Variants in MCPH1 observed in about 807,000 individuals in gnomAD.
MCPH1 encodes the protein microcephalin.
MCPH1 carries 104 observed loss-of-function variants against 84.5 expected under a neutral mutation model. The ratio of observed to expected loss-of-function variants is 1.23; its 90% confidence interval spans 1.05 to 1.45. The LOEUF (loss-of-function observed/expected upper bound fraction) is 1.45, where lower values mean the gene tolerates loss of function less well. MCPH1 is among the 40% of genes most tolerant of loss of function. MCPH1 has a pLI of 0.00. For missense variants in MCPH1, 1,498 were observed against 1,005.7 expected, an observed-to-expected ratio of 1.49 and a Z score of -6.62; for synonymous variants, 514 against 366.8, an observed-to-expected ratio of 1.40 and a Z score of -4.58.
At chr8:6,617,989 C>G (rs1277375607) in intron 12 of MCPH1, among the ~76,000 whole-genome samples, 2 of 151,138 alleles carry the variant, frequency 1.3e-5, no homozygotes, top group East Asian at 3.9e-4. Flanking sequence ...CCAGGCTGGT[C>G]TCAAACTCCT....
At chr8:6,409,121 G>C (rs532844131) in intron 1 of MCPH1, among the ~76,000 whole-genome samples, 158 bp from the exon 2 acceptor site, 101 of 152,218 alleles carry the variant, frequency 6.6e-4, no homozygotes, top group African/African-American at 2.4e-3. Context: ...CCCTGACTTC[G>C]TGGATCCACC....
chr8:6,447,315 A>G (rs1804548499), intron 8 of MCPH1: 2 of 985,296 alleles, frequency 2.0e-6, no homozygotes, highest in Non-Finnish European at 2.4e-6. Flanking sequence ...CACACTCTAT[A>G]TCTGGTGAAA....
intron 9 of MCPH1, among the ~76,000 whole-genome samples, chr8:6,459,385 G>C (rs2920664): frequency 0.17 from 25,228 of 152,070 alleles, 5,217 homozygotes; most frequent in African/African-American, 0.48. Flanking sequence ...AAGCGATTCT[G>C]CTGCCTCAGC....
chr8:6,423,931 C>T (rs187609190), intron 3 of MCPH1, among the ~76,000 whole-genome samples: 8 of 152,088 alleles, frequency 5.3e-5, no homozygotes, highest in Non-Finnish European at 2.9e-5. Context: ...TTTTAGTGAG[C>T]TTGAATTTTC....
intron 6 of MCPH1, among the ~76,000 whole-genome samples, chr8:6,440,464 G>C (rs1007015499): frequency 6.6e-6 from 1 of 152,194 alleles, no homozygotes; most frequent in African/African-American, 2.4e-5. Flanking sequence ...CTGGGCTCAA[G>C]TACTTCTGCC....
chr8:6,541,150 G>A (rs1217831682), intron 12 of MCPH1, among the ~76,000 whole-genome samples: 2 of 152,240 alleles, frequency 1.3e-5, no homozygotes, highest in Non-Finnish European at 2.9e-5. Context: ...TGAAGAGCAA[G>A]TTGGGCCCAG....
chr8:6,550,328 G>A (rs1823409365), intron 12 of MCPH1, among the ~76,000 whole-genome samples: 1 of 152,160 alleles, frequency 6.6e-6, no homozygotes. Context: ...TGGGTCCTGG[G>A]AGTGAGGCAG....
At chr8:6,473,965 G>A in intron 9 of MCPH1, 1 of 1,233,298 alleles carries the variant, frequency 8.1e-7, no homozygotes, top group Non-Finnish European at 1.2e-6. Context: ...AGGATGCCGT[G>A]GCTTCTTCAT....
chr8:6,622,131 C>T lies in MCPH1; in HGVS notation c.2452+440C>T, dbSNP rs544424838. The T allele has an allele frequency of 4.3e-4, 123 of 285,026 alleles. 2 individuals are homozygous for T. Among genetic ancestry groups the T allele is most frequent in the South Asian group, 3.8e-3 (101 of 26,582 alleles). 17.7% of individuals were successfully genotyped at this position (285,026 alleles called of 1,614,324 possible). On this transcript the variant is annotated intron_variant, in intron 13 of 13. Transcript: ENST00000344683. Reference sequence around the variant, plus strand: ...TCCTCTCCCAGGTACATCTCATGATCACTCCGTCTGCTCATGTGCTCAAAG... The same window carrying T: ...TCCTCTCCCAGGTACATCTCATGATTACTCCGTCTGCTCATGTGCTCAAAG...
chr8:6,414,899 C>G lies in MCPH1; in HGVS notation c.233+16C>G, dbSNP rs554853204. 6.2e-6 allele frequency: 10 copies of G among 1,612,224 alleles called. No homozygotes were observed. Among genetic ancestry groups the G allele is most frequent in the African/African-American group, 1.3e-5 (1 of 74,798 alleles). On this transcript the variant is annotated intron_variant, in intron 3 of 13. Transcript: ENST00000344683. Reference sequence around the variant, plus strand: ...GGGTGGAAAAGTAAGCAGTTTCTCTCTTACTTTTTTTCCTTAAGTATCTAG... The same window carrying G: ...GGGTGGAAAAGTAAGCAGTTTCTCTGTTACTTTTTTTCCTTAAGTATCTAG...
intron 2 of MCPH1, among the ~76,000 whole-genome samples, chr8:6,410,074 A>G (rs924923025): frequency 5.9e-5 from 9 of 151,958 alleles, no homozygotes; most frequent in Non-Finnish European, 1.0e-4. Context: ...GGTTCAAGCG[A>G]TTGTCCTGCC....
In MCPH1 at chr8:6,480,630, T is replaced by C. The variant is rs1187838455; in HGVS notation, c.1974-84T>C. On this transcript the variant is annotated intron_variant, in intron 10 of 13. Transcript: ENST00000344683. ...TCAAATTTTGGCTTTCTAGTTTTAT[T>C]AGTACTAATATTGAGTGTAACTGCT... is the stretch of plus-strand genomic sequence containing the variant. The C allele has an allele frequency of 1.1e-5, 16 of 1,501,390 alleles. No homozygotes were observed. In the Admixed American group the frequency reaches 1.3e-4, roughly 13 times the overall value. The allele number at this position is 1,501,390 out of a possible 1,614,324, so 93.0% of individuals were successfully genotyped here.
chr8:6,497,692 G>C (rs2515596), intron 11 of MCPH1, among the ~76,000 whole-genome samples: 2 of 152,128 alleles, frequency 1.3e-5, no homozygotes, highest in East Asian at 3.8e-4. Flanking sequence ...GGGAGACATC[G>C]AAATGCATAT....
chr8:6,631,661 AAAAAAAACCCAGAAAAT>A (rs1797170280), intron 13 of MCPH1, among the ~76,000 whole-genome samples: 1 of 152,070 alleles, frequency 6.6e-6, no homozygotes, highest in Non-Finnish European at 1.5e-5. Context: ...CTATAAAAAA[AAAAAAAACCCAGAAAAT>A]AACAAGTGTT....
intron 12 of MCPH1, among the ~76,000 whole-genome samples, chr8:6,612,300 G>T (rs1316909686): frequency 6.6e-6 from 1 of 151,868 alleles, no homozygotes; most frequent in Non-Finnish European, 1.5e-5. Context: ...TTTAAGCCAA[G>T]CCCCCCTTCC....
chr8:6,548,139 T>G (rs1822941822), intron 12 of MCPH1, among the ~76,000 whole-genome samples: 1 of 152,052 alleles, frequency 6.6e-6, no homozygotes. Context: ...AAATTATGAG[T>G]AGTTGGTTCC....
intron 3 of MCPH1, among the ~76,000 whole-genome samples, chr8:6,419,866 G>C (rs1354859399): frequency 6.6e-6 from 1 of 151,886 alleles, no homozygotes; most frequent in Non-Finnish European, 1.5e-5. Flanking sequence ...TTTATTTTAG[G>C]GAGTGTGATG....
chr8:6,579,065 C>T (rs902935362), intron 12 of MCPH1, among the ~76,000 whole-genome samples: 5 of 152,144 alleles, frequency 3.3e-5, no homozygotes, highest in Non-Finnish European at 2.9e-5. Flanking sequence ...GGCTGCTTCC[C>T]GATATTGAGA....
chr8:6,615,087 T>C (rs887487970), intron 12 of MCPH1, among the ~76,000 whole-genome samples: 3 of 152,216 alleles, frequency 2.0e-5, no homozygotes. Context: ...TTGGCGTGCA[T>C]GTGAATGTTT....
Sources: gnomAD v4.1 joint callset for allele counts (sites outside exome capture counted in the v4.1 genomes callset) on GRCh38, gnomAD v4.1.1 for gene constraint, MANE v1.5 for transcripts, NCBI Gene and HGNC (gene_info 2026-07-23, HGNC 2026-07-21) for gene names.